The following CFAP97 variants were observed in gnomAD, a reference collection of about 807,000 sequenced individuals.
The protein encoded by CFAP97 is cilia and flagella associated protein 97, also known as cilia- and flagella-associated protein 97.
Under a neutral mutation model 43.1 loss-of-function variants are expected in CFAP97, and 36 were observed. The ratio of observed to expected loss-of-function variants is 0.84; its 90% CI spans 0.64 to 1.10. The LOEUF (loss-of-function observed/expected upper bound fraction) is 1.10, where lower values mean the gene tolerates loss of function less well. CFAP97 is among the 50% of genes least tolerant of loss of function. The pLI is 0.00. For missense variants in CFAP97, 657 were observed against 620.3 expected (o/e 1.06, Z -0.63); for synonymous variants, 228 against 225.7 (o/e 1.01, Z -0.09).
chr4:185,205,402 C>T (rs527866372), upstream of CFAP97, among the ~76,000 whole-genome samples: 2 of 151,030 alleles, frequency 1.3e-5, 1 homozygote, highest in African/African-American at 4.9e-5. Context: ...TGCAGCGAGC[C>T]GAGATCGTGC....
Position 185,190,586 on chromosome 4 carries a change from G to C in CFAP97, c.611C>G (p.Ser204Cys). The change falls in exon 2 of 5, where the codon TCT becomes TGT. Residue 204 changes from serine (S) to cysteine (C), a missense_variant. Physicochemically the swap from Ser to Cys is moderately radical, Grantham distance 112 (BLOSUM62 -1). Coordinates refer to ENST00000458385, the MANE Select transcript of CFAP97 (RefSeq NM_020827.3). ...DSHLSDSSPSSKSSKKHVSGI... is the reference protein window; with the variant it reads ...DSHLSDSSPSCKSSKKHVSGI... ...AGATACATGTTTCTTAGATGACTTAGATGACGGAGACGAATCAGATAGATG... is the reference window on the plus strand; with the variant it reads ...AGATACATGTTTCTTAGATGACTTACATGACGGAGACGAATCAGATAGATG... The C allele has an allele frequency of 6.2e-7, 1 of 1,613,262 alleles. No homozygotes were observed. The highest frequency in any genetic ancestry group is 8.5e-7 in the Non-Finnish European group (1 of 1,179,522).
chr4:185,181,482 C>A (rs1019777634), intron 2 of CFAP97, among the ~76,000 whole-genome samples: 7 of 151,672 alleles, frequency 4.6e-5, no homozygotes, highest in African/African-American at 1.7e-4. Flanking sequence ...TGTGCCACCA[C>A]GCACGGCTAA....
At chr4:185,189,837 G>T (rs963493314) in intron 2 of CFAP97, among the ~76,000 whole-genome samples, 3 of 152,172 alleles carry the variant, frequency 2.0e-5, no homozygotes, top group African/African-American at 4.8e-5. Context: ...TCTATCAAAA[G>T]TGGAAAAACA....
intron 2 of CFAP97, among the ~76,000 whole-genome samples, chr4:185,188,783 G>C (rs529106842): frequency 6.6e-6 from 1 of 152,230 alleles, no homozygotes; most frequent in South Asian, 2.1e-4. Flanking sequence ...CTTTAATGCT[G>C]AAAGTTCTGA....
chr4:185,164,109 T>C lies in CFAP97; in HGVS notation c.1391A>G (p.Tyr464Cys), dbSNP rs770522828. ...GMKRSEQLMD[Y>C]HRNMGYLNSS... ...GTTGAGATAGCCCATATTGCGATGATAGTCCATCAGTTGTTCTGAACGTTT... is the reference window on the plus strand; with the variant it reads ...GTTGAGATAGCCCATATTGCGATGACAGTCCATCAGTTGTTCTGAACGTTT... Residue 464 changes from tyrosine (Y) to cysteine (C), a missense_variant, in exon 4 of 5, where the codon TAT becomes TGT. Tyr to Cys is a radical substitution (Grantham distance 194, BLOSUM62 -2). Coordinates refer to ENST00000458385, the MANE Select transcript of CFAP97 (RefSeq NM_020827.3). The C allele has an allele frequency of 5.3e-5, 85 of 1,613,914 alleles. No individual in the cohort carries two copies. The highest frequency in any genetic ancestry group is 1.1e-4 in the African/African-American group (8 of 74,942).
chr4:185,172,189 T>C (rs1433077918), intron 3 of CFAP97, among the ~76,000 whole-genome samples: 1 of 152,256 alleles, frequency 6.6e-6, no homozygotes. Flanking sequence ...GGATAAAATT[T>C]TCATTTCTCT....
rs755457282 is a variant in CFAP97, at chr4:185,164,086, T to C, written c.1414A>G (p.Asn472Asp). 1 of 1,613,472 alleles carries C rather than the reference T, an allele frequency of 6.2e-7. No homozygotes were observed. Among genetic ancestry groups the C allele is most frequent in the Non-Finnish European group, 8.5e-7 (1 of 1,179,418 alleles). ...MDYHRNMGYLNSSPLSRRARS... is the reference protein window; with the variant it reads ...MDYHRNMGYLDSSPLSRRARS... ...GCCCGTCTTGACAATGGTGATGAGT[T>C]GAGATAGCCCATATTGCGATGATAG... The change falls in exon 4 of 5, where the codon AAC (asparagine) becomes GAC (aspartate). Residue 472 changes from asparagine to aspartate, a missense_variant. By Grantham distance (23) the Asn-to-Asp change is conservative. Transcript: ENST00000458385.
chr4:185,198,819 A>G (rs59388559), intron 1 of CFAP97, among the ~76,000 whole-genome samples: 72,190 of 145,990 alleles, frequency 0.49, 18,485 homozygotes, highest in East Asian at 0.59. Context: ...ACAAGGTAAA[A>G]CAGCAAGTGC....
Position 185,190,945 on chromosome 4 carries a change from A to T in CFAP97, c.252T>A (p.Asp84Glu), listed in dbSNP as rs761282597. The stretch of plus-strand genomic sequence containing the variant: ...AGAAAGAACTTACAGTTTGTGTAAC[A>T]TCATTCTCTACGGGGTGTTCTGGGG... The part of the protein sequence containing the change: ...KFPPEHPVEN[D>E]VTQTVSSFSL... The change falls in exon 2 of 5, where the codon GAT becomes GAA. Residue 84 changes from aspartate to glutamate, a missense_variant. By Grantham distance (45) the Asp-to-Glu change is conservative. Coordinates refer to ENST00000458385, the MANE Select transcript of CFAP97 (RefSeq NM_020827.3). 1 of 1,613,886 alleles carries T rather than the reference A, an allele frequency of 6.2e-7. No homozygotes were observed. The highest frequency in any genetic ancestry group is 8.5e-7 in the Non-Finnish European group (1 of 1,179,830).
intron 1 of CFAP97, among the ~76,000 whole-genome samples, chr4:185,201,167 T>A (rs1736805340): frequency 1.3e-5 from 2 of 150,028 alleles, no homozygotes; most frequent in Admixed American, 1.3e-4. Context: ...CTACTACAAA[T>A]AAAAAAAAAT....
At chr4:185,164,257 G>T in intron 3 of CFAP97, 78 bp from the exon 4 acceptor site, 1 of 1,315,060 alleles carries the variant, frequency 7.6e-7, no homozygotes, top group Non-Finnish European at 1.0e-6. Flanking sequence ...TCTAGAGCCT[G>T]ACATTCACTT....
At chr4:185,182,378 G>A (rs1324265076) in intron 2 of CFAP97, 4 of 152,058 alleles carry the variant, frequency 2.6e-5, no homozygotes, top group Non-Finnish European at 5.9e-5. Context: ...TTGCATGGAG[G>A]TGGAAAATTC....
chr4:185,192,826 C>CG (rs967685416), intron 1 of CFAP97, among the ~76,000 whole-genome samples: 16 of 148,714 alleles, frequency 1.1e-4, no homozygotes, highest in African/African-American at 3.8e-4. Context: ...GTGCAAGCTC[C>CG]GCCTCCCGGG....
At chr4:185,201,120 T>C (rs1736803244) in intron 1 of CFAP97, among the ~76,000 whole-genome samples, 1 of 152,054 alleles carries the variant, frequency 6.6e-6, no homozygotes, top group African/African-American at 2.4e-5. Flanking sequence ...GGTCAGAAGT[T>C]GAAGACCAGT....
At chr4:185,170,166 G>A (rs1443584477) in intron 3 of CFAP97, 5 of 616,786 alleles carry the variant, frequency 8.1e-6, no homozygotes, top group East Asian at 3.5e-5. Flanking sequence ...TGGCTAACAT[G>A]GCAATACCAT....
upstream of CFAP97, among the ~76,000 whole-genome samples, chr4:185,207,358 A>AGGGAGTGGTG (rs1476065519): frequency 2.0e-5 from 3 of 151,780 alleles, no homozygotes; most frequent in East Asian, 5.8e-4. Context: ...CTGGGACTAC[A>AGGGAGTGGTG]GGCGCACACC....
chr4:185,177,489 T>G (rs1735599557), intron 2 of CFAP97, among the ~76,000 whole-genome samples: 1 of 152,166 alleles, frequency 6.6e-6, no homozygotes, highest in Admixed American at 6.5e-5. Context: ...TTATGTTAAT[T>G]TTTTAAACAT....
chr4:185,208,760 A>G (rs758866289), upstream of CFAP97, among the ~76,000 whole-genome samples: 18 of 152,224 alleles, frequency 1.2e-4, no homozygotes, highest in Non-Finnish European at 1.0e-4. Context: ...AAAGAATGAA[A>G]TGCCCATGAA....
chr4:185,197,682 T>C (rs1736620336), intron 1 of CFAP97, among the ~76,000 whole-genome samples: 1 of 152,200 alleles, frequency 6.6e-6, no homozygotes, highest in African/African-American at 2.4e-5. Context: ...CGCCTTGGCC[T>C]CCCAAAGTGC....
Sources: allele counts gnomAD v4.1 joint callset (sites outside exome capture counted in the v4.1 genomes callset), GRCh38; gene constraint gnomAD v4.1.1; transcripts MANE v1.5; gene names NCBI Gene and HGNC (gene_info 2026-07-23, HGNC 2026-07-21).